Variants in CDHR2 observed in about 807,000 individuals in gnomAD.
CDHR2 encodes cadherin related family member 2.
A neutral mutation model predicts 138.6 loss-of-function variants in CDHR2; 104 were observed. The observed-to-expected ratio is 0.75, with a 90% CI of 0.64 to 0.88. The LOEUF (loss-of-function observed/expected upper bound fraction) is 0.88, where lower values mean the gene tolerates loss of function less well. Ranked by LOEUF, CDHR2 falls within the 40% of genes least tolerant of loss-of-function variation. CDHR2 has a pLI of 0.00. For missense variants in CDHR2, 1,624 were observed against 1,727.6 expected, an observed-to-expected ratio of 0.94 and a Z score of 1.06; for synonymous variants, 755 against 742.8, an observed-to-expected ratio of 1.02 and a Z score of -0.27.
exon 1 of CDHR2, chr5:176,542,514 G>A (rs547483340): frequency 3.3e-5 from 5 of 152,354 alleles, no homozygotes; most frequent in Non-Finnish European, 7.3e-5. Flanking sequence ...GTTCTGCAAA[G>A]GGGGCAGGAA....
Position 176,575,730 on chromosome 5 carries a change from C to T in CDHR2, c.851C>T (p.Thr284Met), listed in dbSNP as rs374158863. 4.1e-5 allele frequency: 65 copies of T among 1,577,012 alleles called. No homozygotes were observed. In the Middle Eastern group the frequency reaches 6.6e-4, roughly 16 times the overall value. Residue 284 changes from threonine (T) to methionine (M), a missense_variant, in exon 11 of 32, where the codon ACG becomes ATG. By Grantham distance (81) the Thr-to-Met change is moderately conservative. Coordinates refer to ENST00000261944, the MANE Select transcript of CDHR2 (RefSeq NM_017675.6). ...DPVIYSISYS[T>M]RPGWFDIGAD... ...CCGCCTTTCTCCTTGCCAGACTCCA[C>T]GCGGCCCGGCTGGTTTGACATCGGG...
At chr5:176,560,632 C>G (rs548651062) in intron 1 of CDHR2, among the ~76,000 whole-genome samples, 1 of 152,342 alleles carries the variant, frequency 6.6e-6, no homozygotes, top group African/African-American at 2.4e-5. Context: ...GCGTACTCGT[C>G]TGTAGTCTGT....
Position 176,568,715 on chromosome 5 carries a change from C to A in CDHR2, c.162C>A (p.Asp54Glu). 1 of 1,614,232 alleles carries A rather than the reference C, an allele frequency of 6.2e-7. No homozygotes were observed. Among genetic ancestry groups the A allele is most frequent in the Non-Finnish European group, 8.5e-7 (1 of 1,180,022 alleles). The change falls in exon 4 of 32, where the codon GAC becomes GAA. Residue 54 changes from aspartate (D) to glutamate (E), a missense_variant. Asp to Glu is a conservative substitution (Grantham distance 45). Coordinates refer to ENST00000261944, the MANE Select transcript of CDHR2 (RefSeq NM_017675.6). Reference protein sequence around the residue: ...QAFWLVAEDQDNDPLTYGMSG... With the variant: ...QAFWLVAEDQENDPLTYGMSG... ...TCTGGTTGGTAGCGGAAGACCAGGA[C>A]AATGACCCTCTGACCTATGGGATGA... is the stretch of plus-strand genomic sequence containing the variant.
At chr5:176,592,618 G>A in intron 30 of CDHR2, 105 bp from the exon 31 acceptor site, 1 of 849,446 alleles carries the variant, frequency 1.2e-6, no homozygotes, top group Non-Finnish European at 2.0e-6. Flanking sequence ...TGATGATGGT[G>A]GTAGTCGTGG....
At chr5:176,566,823 A>C (rs1461139833) in intron 3 of CDHR2, 1 of 413,682 alleles carries the variant, frequency 2.4e-6, no homozygotes, top group East Asian at 7.3e-5. Context: ...GCTGCAAGGG[A>C]ACCTGGCAAA....
intron 4 of CDHR2, 60 bp from the exon 5 acceptor site, chr5:176,568,900 C>G: frequency 6.2e-7 from 1 of 1,611,108 alleles, no homozygotes; most frequent in Non-Finnish European, 8.5e-7. Flanking sequence ...GGTGGCGGCA[C>G]CCCCTGTGCT....
In CDHR2 at chr5:176,543,784, C is replaced by T. The variant is rs952990795; in HGVS notation, c.-16+1015C>T. On this transcript the variant is annotated intron_variant, in intron 1 of 31. Coordinates refer to the CDHR2 transcript ENST00000510636. The surrounding 1 kb of genome is among the most constrained non-coding windows in gnomAD (Gnocchi z 4.0). Reference sequence around the variant, plus strand: ...GCTTTGGGCCATTCTCTGACCCTCACTTTTCAAGTCTGCGGAATGGAATTG... The same window carrying T: ...GCTTTGGGCCATTCTCTGACCCTCATTTTTCAAGTCTGCGGAATGGAATTG... The T allele has an allele frequency of 1.3e-5, 2 of 152,244 alleles. No individual in the cohort carries two copies. Among genetic ancestry groups the T allele is most frequent in the Non-Finnish European group, 2.9e-5 (2 of 68,058 alleles). 9.4% of individuals were successfully genotyped at this position (152,244 alleles called of 1,614,324 possible).
In CDHR2 at chr5:176,591,295, C is replaced by T. The variant is rs751382932; in HGVS notation, c.3625C>T (p.Pro1209Ser). 14 of 1,613,840 alleles carry T rather than the reference C, an allele frequency of 8.7e-6. No individual in the cohort carries two copies. The highest frequency in any genetic ancestry group is 1.2e-5 in the Non-Finnish European group (14 of 1,179,788). Residue 1209 changes from proline to serine, a missense_variant, in exon 29 of 32, where the codon CCA (proline) becomes TCA (serine). Pro to Ser is a moderately conservative substitution (Grantham distance 74). Coordinates refer to ENST00000261944, the MANE Select transcript of CDHR2 (RefSeq NM_017675.6). ...GGTGATGCCCTCAGCCCCTGCCATC[C>T]CAGGGACTAACATGTACAACACTGA... The part of the protein sequence containing the change: ...AGVMPSAPAI[P>S]GTNMYNTERA...
rs553540468 is a variant in CDHR2 at position 176,567,713 on chromosome 5, G to A, written c.125-965G>A. Reference sequence around the variant, plus strand: ...TCACCATGTCGGCCAAGCTGGTTTCGAGCTCCTGATCTCAAGTGATCCGCC... The same window carrying A: ...TCACCATGTCGGCCAAGCTGGTTTCAAGCTCCTGATCTCAAGTGATCCGCC... On this transcript the variant is annotated intron_variant, in intron 3 of 31. Transcript: ENST00000261944. 1.3e-3 allele frequency among the ~76,000 whole-genome samples: 194 copies of A among 151,654 alleles called. 3 individuals carry two copies. Among genetic ancestry groups the A allele is most frequent in the South Asian group, 0.012 (60 of 4,804 alleles).
chr5:176,590,332 T>C lies in CDHR2; in HGVS notation c.3353+2T>C, dbSNP rs1333498170. On this transcript the variant is annotated splice_donor_variant, in intron 26 of 31. Transcript: ENST00000261944. LOFTEE classifies it high-confidence loss of function. The stretch of plus-strand genomic sequence containing the variant: ...CCTGACCCTTGATGAGCTGAGTGTG[T>C]GAGTGGGGCTGCCCTTGGGGCAGGT... 6.2e-7 allele frequency: 1 copy of C among 1,614,026 alleles called. No individual in the cohort carries two copies. The highest frequency in any genetic ancestry group is 1.1e-5 in the South Asian group (1 of 91,072).
In CDHR2 at chr5:176,595,594, A is replaced by C. The variant is rs776290108; in HGVS notation, c.3855A>C (p.Leu1285Phe). 22 of 1,612,954 alleles carry C rather than the reference A, an allele frequency of 1.4e-5. No homozygotes were observed. The highest frequency in any genetic ancestry group is 1.9e-5 in the Non-Finnish European group (22 of 1,179,448). ...CAGAGCCCCTGAGCGTGGTCCTGTTAGGACGGCAGGCAGGCGCAAGTGGAC... is the reference window on the plus strand; with the variant it reads ...CAGAGCCCCTGAGCGTGGTCCTGTTCGGACGGCAGGCAGGCGCAAGTGGAC... ...PDPEPLSVVL[L>F]GRQAGASGQL... Residue 1285 changes from leucine (L) to phenylalanine (F), a missense_variant, in exon 32 of 32, where the codon TTA (leucine) becomes TTC (phenylalanine). Coordinates refer to ENST00000261944, the MANE Select transcript of CDHR2 (RefSeq NM_017675.6).
intron 1 of CDHR2, among the ~76,000 whole-genome samples, chr5:176,550,093 A>C (rs1022240961): frequency 1.2e-4 from 19 of 152,146 alleles, no homozygotes; most frequent in African/African-American, 4.3e-4. Context: ...ATGCTGCGTC[A>C]CTCAGGCAGG....
At position 176,577,484 on chromosome 5, in the gene CDHR2, C is replaced by G. The variant is rs1176174860; in HGVS notation, c.1280C>G (p.Ala427Gly). Residue 427 changes from alanine (A) to glycine (G), a missense_variant, in exon 13 of 32, where the codon GCC becomes GGC. Ala to Gly is a moderately conservative substitution (Grantham distance 60). Coordinates refer to ENST00000261944, the MANE Select transcript of CDHR2 (RefSeq NM_017675.6). ...TCCCCGGAGCGGGCAGTGGGCTCAG[C>G]CTCCGTTCAGGTGCTGGTGAGAGTA... Reference protein sequence around the residue: ...SVSPERAVGSASVQVLVRVSA... With the variant: ...SVSPERAVGSGSVQVLVRVSA... 4 of 1,611,156 alleles carry G rather than the reference C, an allele frequency of 2.5e-6. No individual in the cohort carries two copies. The African/African-American group carries it at 5.3e-5, about 22-fold the overall frequency.
At chr5:176,578,666 G>A in intron 16 of CDHR2, 58 bp downstream of exon 16, 1 of 1,592,596 alleles carries the variant, frequency 6.3e-7, no homozygotes, top group East Asian at 2.2e-5. Flanking sequence ...AGCCTGCTCT[G>A]TGGGCATGCT....
In CDHR2 at chr5:176,566,855, C is replaced by G. The variant is rs1387521932; in HGVS notation, c.124+1112C>G. 3 of 444,632 alleles carry G rather than the reference C, an allele frequency of 6.7e-6. No individual in the cohort carries two copies. In the East Asian group the frequency reaches 2.1e-4, roughly 32 times the overall value. 27.5% of individuals were successfully genotyped at this position (444,632 alleles called of 1,614,324 possible). Reference sequence around the variant, plus strand: ...CAAATGTGGCCTTCATTCTGGTTGGCCGTGTGCCTAGCTCAAAATCTGGGG... The same window carrying G: ...CAAATGTGGCCTTCATTCTGGTTGGGCGTGTGCCTAGCTCAAAATCTGGGG... On this transcript the variant is annotated intron_variant, in intron 3 of 31. Transcript: ENST00000261944.
chr5:176,548,633 C>T (rs1175339775), upstream of CDHR2, among the ~76,000 whole-genome samples: 2 of 152,128 alleles, frequency 1.3e-5, no homozygotes, highest in African/African-American at 4.8e-5. Context: ...ATCCCAGTTA[C>T]TCGAGAGGCT....
In CDHR2 at chr5:176,577,736, T is replaced by C. The variant is rs1758427605; in HGVS notation, c.1450T>C (p.Leu484=). 1 of 1,614,182 alleles carries C rather than the reference T, an allele frequency of 6.2e-7. No homozygotes were observed. Among genetic ancestry groups the C allele is most frequent in the Non-Finnish European group, 8.5e-7 (1 of 1,180,022 alleles). ...NDHRPTFPQS[L]YVLTVPEHSA... ...CCACAGGCCCACGTTTCCCCAGAGCTTGTACGTCCTCACGGTGCCAGAGCA... is the reference window on the plus strand; with the variant it reads ...CCACAGGCCCACGTTTCCCCAGAGCCTGTACGTCCTCACGGTGCCAGAGCA... Residue 484 remains leucine, a synonymous_variant, in exon 14 of 32, where the codon TTG becomes CTG. Transcript: ENST00000261944.
intron 1 of CDHR2, among the ~76,000 whole-genome samples, chr5:176,554,001 T>G (rs554158563): frequency 6.6e-6 from 1 of 152,322 alleles, no homozygotes; most frequent in African/African-American, 2.4e-5. Context: ...TCAGCACTGC[T>G]GGGGGTTCTG....
chr5:176,556,389 G>A (rs1271954423), intron 1 of CDHR2, among the ~76,000 whole-genome samples: 2 of 151,906 alleles, frequency 1.3e-5, no homozygotes, highest in South Asian at 2.1e-4. Context: ...TAAACAGGCC[G>A]GGCGCGGTGG....
Sources: gnomAD v4.1 joint callset for allele counts (sites outside exome capture counted in the v4.1 genomes callset) on GRCh38, gnomAD v4.1.1 for gene constraint, Gnocchi (gnomAD v3.1) non-coding constraint, MANE v1.5 for transcripts, NCBI Gene and HGNC (gene_info 2026-07-23, HGNC 2026-07-21) for gene names.